DIAPH3: variants seen among roughly 807,000 people sequenced by gnomAD.
The protein encoded by DIAPH3 is protein diaphanous homolog 3.
In DIAPH3, 117 loss-of-function variants were observed where a neutral mutation model predicts 144.3. The ratio of observed to expected loss-of-function variants is 0.81; its 90% confidence interval spans 0.70 to 0.95. The LOEUF (loss-of-function observed/expected upper bound fraction) is 0.95, where lower values mean the gene tolerates loss of function less well. Ranked by LOEUF, DIAPH3 falls within the 40% of genes least tolerant of loss-of-function variation. The probability of loss-of-function intolerance (pLI) is 0.00; values close to 1 mark genes in which losing one functional copy is unlikely to be tolerated. For synonymous variants in DIAPH3, 519 were observed against 488.9 expected, an observed-to-expected ratio of 1.06 and a Z score of -0.81; for missense variants, 1,421 against 1,412.7, an observed-to-expected ratio of 1.01 and a Z score of -0.09.
chr13:59,716,787 G>A (rs1377483646), intron 27 of DIAPH3, among the ~76,000 whole-genome samples: 17 of 152,094 alleles, frequency 1.1e-4, no homozygotes, highest in Non-Finnish European at 8.8e-5. Context: ...TATAATGGGT[G>A]GGTCTGACAC....
intron 27 of DIAPH3, among the ~76,000 whole-genome samples, chr13:59,692,137 CTTTTTTTTTTTTTTTTT>C (rs56205887): frequency 3.4e-5 from 2 of 58,188 alleles, no homozygotes; most frequent in South Asian, 8.1e-4. Flanking sequence ...TTGAGAAATT[CTTTTTTTTTTTTTTTTT>C]TTTTTTTTTT....
chr13:60,114,021 A>C (rs1311905580), intron 2 of DIAPH3, among the ~76,000 whole-genome samples: 1 of 152,220 alleles, frequency 6.6e-6, no homozygotes, highest in East Asian at 1.9e-4. Flanking sequence ...TAGACTAGGC[A>C]AAAGACTGGA....
rs538071887 is a variant in DIAPH3 at position 60,102,968 on chromosome 13, C to G, written c.390+9042G>C. Among the ~76,000 whole-genome samples the G allele has an allele frequency of 4.6e-5, 7 of 152,204 alleles. No homozygotes were observed. In the South Asian group the frequency reaches 1.4e-3, roughly 32 times the overall value. On this transcript the variant is annotated intron_variant, in intron 3 of 27. Coordinates refer to ENST00000400324, the MANE Select transcript of DIAPH3 (RefSeq NM_001042517.2). Reference sequence around the variant, plus strand: ...GTCAGCGGCAGCCCTTACCTGGAAACCAGGTCAATCAAGCAACTTTTAAGA... The same window carrying G: ...GTCAGCGGCAGCCCTTACCTGGAAAGCAGGTCAATCAAGCAACTTTTAAGA...
intron 21 of DIAPH3, among the ~76,000 whole-genome samples, chr13:59,866,378 T>C (rs1429058626): frequency 2.0e-5 from 3 of 152,108 alleles, no homozygotes; most frequent in South Asian, 2.1e-4. Flanking sequence ...CTATAAAATA[T>C]AGTTCCTTTA....
chr13:60,116,153 T>C (rs2058697971), intron 2 of DIAPH3, among the ~76,000 whole-genome samples: 1 of 152,108 alleles, frequency 6.6e-6, no homozygotes, highest in Non-Finnish European at 1.5e-5. Context: ...AGTTGTCTAT[T>C]AGATGTTGGT....
Position 59,718,187 on chromosome 13 carries a change from C to T in DIAPH3, c.3320-51341G>A, listed in dbSNP as rs1053792227. On this transcript the variant is annotated intron_variant, in intron 27 of 27. Transcript: ENST00000400324. The stretch of plus-strand genomic sequence containing the variant: ...ATCCTTGGCCACCTCCCTGATGCCA[C>T]GCTGCTGGTGGTGAGGAAAAAGCTC... 5.3e-5 allele frequency among the ~76,000 whole-genome samples: 8 copies of T among 151,958 alleles called. No individual in the cohort carries two copies. The South Asian group carries it at 8.3e-4, about 16-fold the overall frequency.
At chr13:59,963,296 T>C (rs1415060566) in intron 17 of DIAPH3, among the ~76,000 whole-genome samples, 3 of 152,148 alleles carry the variant, frequency 2.0e-5, no homozygotes, top group Non-Finnish European at 4.4e-5. Flanking sequence ...AACACATGAA[T>C]GCATAATCAC....
chr13:59,683,453 G>C (rs1016320288), intron 27 of DIAPH3, among the ~76,000 whole-genome samples: 1 of 152,028 alleles, frequency 6.6e-6, no homozygotes, highest in Non-Finnish European at 1.5e-5. Flanking sequence ...GATGAATGAA[G>C]GGAACATAAG....
intron 12 of DIAPH3, among the ~76,000 whole-genome samples, chr13:59,987,387 A>G (rs1016580733): frequency 6.7e-6 from 1 of 148,336 alleles, no homozygotes; most frequent in Admixed American, 6.8e-5. Context: ...ATGACGAGTT[A>G]GTGGGTGCAG....
chr13:60,046,482 G>A (rs950332758), intron 4 of DIAPH3, among the ~76,000 whole-genome samples: 1 of 152,184 alleles, frequency 6.6e-6, no homozygotes, highest in Non-Finnish European at 1.5e-5. Flanking sequence ...AACAGATGCT[G>A]GAGAGGATGT....
chr13:60,051,234 T>C (rs200754821), intron 4 of DIAPH3, among the ~76,000 whole-genome samples: 11 of 151,566 alleles, frequency 7.3e-5, no homozygotes, highest in African/African-American at 2.7e-4. Context: ...GGGAAAAAAA[T>C]ATATATATAT....
At chr13:60,120,565 T>A (rs745313227) in intron 2 of DIAPH3, among the ~76,000 whole-genome samples, 5 of 152,230 alleles carry the variant, frequency 3.3e-5, no homozygotes, top group Non-Finnish European at 7.3e-5. Context: ...ACATTTAGGT[T>A]TCACATAGTA....
intron 9 of DIAPH3, among the ~76,000 whole-genome samples, chr13:60,004,995 C>T (rs1159796955): frequency 6.6e-6 from 1 of 152,186 alleles, no homozygotes; most frequent in Non-Finnish European, 1.5e-5. Context: ...CTCTCCTCCT[C>T]CCTACCTCTA....
chr13:60,006,947 C>T (rs1296526971), intron 9 of DIAPH3, among the ~76,000 whole-genome samples: 2 of 152,150 alleles, frequency 1.3e-5, no homozygotes, highest in African/African-American at 4.8e-5. Flanking sequence ...CCTGCCTATT[C>T]GAAGAGAACC....
chr13:60,058,534 A>T (rs2056642553), intron 4 of DIAPH3, among the ~76,000 whole-genome samples: 2 of 151,882 alleles, frequency 1.3e-5, no homozygotes, highest in African/African-American at 4.8e-5. Context: ...CAGTTCCACA[A>T]ATCACTTTAT....
intron 20 of DIAPH3, among the ~76,000 whole-genome samples, chr13:59,900,405 T>A (rs780695078): frequency 2.5e-4 from 38 of 152,288 alleles, no homozygotes; most frequent in Non-Finnish European, 4.3e-4. Context: ...ATGTCCCTGA[T>A]GAATTATATA....
At chr13:60,097,182 G>A (rs2058129044) in intron 3 of DIAPH3, among the ~76,000 whole-genome samples, 1 of 152,082 alleles carries the variant, frequency 6.6e-6, no homozygotes, top group African/African-American at 2.4e-5. Flanking sequence ...AAAACCAAAA[G>A]GAAACAAATA....
chr13:59,818,078 T>A (rs1301713756), intron 24 of DIAPH3, among the ~76,000 whole-genome samples: 1 of 151,988 alleles, frequency 6.6e-6, no homozygotes, highest in Non-Finnish European at 1.5e-5. Context: ...ACCACGTATT[T>A]TGTAAACAAA....
At chr13:59,734,894 TAAAC>T (rs1320492936) in intron 27 of DIAPH3, among the ~76,000 whole-genome samples, 1 of 152,324 alleles carries the variant, frequency 6.6e-6, no homozygotes, top group East Asian at 1.9e-4. Context: ...ACAGAATCTC[TAAAC>T]AAAAATTTAA....
Sources: gnomAD v4.1 joint callset for allele counts (sites outside exome capture counted in the v4.1 genomes callset) on GRCh38, gnomAD v4.1.1 for gene constraint, MANE v1.5 for transcripts, NCBI Gene and HGNC (gene_info 2026-07-23, HGNC 2026-07-21) for gene names.